Variants in NDUFB9 observed in about 807,000 individuals in gnomAD.
NDUFB9 encodes NADH dehydrogenase [ubiquinone] 1 beta subcomplex subunit 9.
A neutral mutation model predicts 30.2 loss-of-function variants in NDUFB9; 24 were observed. The ratio of observed to expected loss-of-function variants is 0.80; its 90% confidence interval spans 0.58 to 1.12. The LOEUF is 1.12. NDUFB9 is among the 50% of genes most tolerant of loss of function. The probability of loss-of-function intolerance (pLI) is 0.00; values close to 1 mark genes in which losing one functional copy is unlikely to be tolerated. For synonymous variants in NDUFB9, 80 were observed against 84.0 expected, an observed-to-expected ratio of 0.95 and a Z score of 0.26; for missense variants, 204 against 226.0, an observed-to-expected ratio of 0.90 and a Z score of 0.62.
chr8:124,544,107 T>C (rs1024688058), intron 2 of NDUFB9, among the ~76,000 whole-genome samples: 2 of 152,222 alleles, frequency 1.3e-5, no homozygotes, highest in Admixed American at 6.5e-5. Context: ...ATTGCTGATA[T>C]GGAGAAAGTT....
intron 1 of NDUFB9, among the ~76,000 whole-genome samples, chr8:124,541,603 T>G (rs1035279597): frequency 6.6e-6 from 1 of 152,204 alleles, no homozygotes; most frequent in South Asian, 2.1e-4. Flanking sequence ...AGAAGACTTT[T>G]TTTGTTTGTT....
In NDUFB9 at chr8:124,541,948, C is replaced by T. The variant is rs1302705354; in HGVS notation, c.102-1139C>T. Among the ~76,000 whole-genome samples, 3 of 143,442 alleles carry T rather than the reference C, an allele frequency of 2.1e-5. No individual in the cohort carries two copies. In the Admixed American group the frequency reaches 2.1e-4, roughly 10 times the overall value. 94.1% of individuals were successfully genotyped at this position (143,442 alleles called of 152,430 possible). A position where few individuals can be genotyped will look rare whatever the true frequency, so the allele number is the denominator to read the frequency against. On this transcript the variant is annotated intron_variant, in intron 1 of 3. Transcript: ENST00000276689. ...TTTTTTTTTGAGATGAAGTCTCGCT[C>T]TTGTCCCCCAGGCTGGAGTGCAAAT...
Position 124,547,113 on chromosome 8 carries a change from G to A in NDUFB9, c.408G>A (p.Glu136=). The change falls in exon 3 of 4, where the codon GAG becomes GAA. Residue 136 remains glutamate, a splice_region_variant and synonymous_variant. Transcript: ENST00000276689. ...TGCGGAGGGAAAGCTGGGAACGAGA[G>A]GTGCGTTCTACTTGTACTTCGTTAT... ...KKLRRESWER[E]VKQLQEETPP... is the part of the protein sequence containing the mutation. 1 of 1,608,040 alleles carries A rather than the reference G, an allele frequency of 6.2e-7. No homozygotes were observed. Among genetic ancestry groups the A allele is most frequent in the Non-Finnish European group, 8.5e-7 (1 of 1,174,682 alleles).
At chr8:124,540,547 G>A (rs1293836463) in intron 1 of NDUFB9, among the ~76,000 whole-genome samples, 1 of 151,920 alleles carries the variant, frequency 6.6e-6, no homozygotes, top group Non-Finnish European at 1.5e-5. Flanking sequence ...CCCATAAATA[G>A]GTACAATAAT....
chr8:124,543,589 C>CT lies in NDUFB9; in HGVS notation c.294+318dup, dbSNP rs1473652946. ...TTGGCAATTCTTGCAATATTTCAAA[C>CT]TTTTTTTTATTATTACTCTATCTAC... On this transcript the variant is annotated intron_variant, in intron 2 of 3. Coordinates refer to ENST00000276689, the MANE Select transcript of NDUFB9 (RefSeq NM_005005.3). Among the ~76,000 whole-genome samples, 29 of 151,586 alleles carry CT rather than the reference C, an allele frequency of 1.9e-4. No individual in the cohort carries two copies. The East Asian group carries it at 5.1e-3, about 26-fold the overall frequency.
chr8:124,546,032 G>A (rs1822149977), intron 2 of NDUFB9, among the ~76,000 whole-genome samples: 1 of 152,168 alleles, frequency 6.6e-6, no homozygotes, highest in African/African-American at 2.4e-5. Context: ...AGTAGAGACA[G>A]CGTTTCTCCA....
chr8:124,539,150 C>G lies in NDUFB9; in HGVS notation c.-37C>G, dbSNP rs552160860. On this transcript the variant is annotated 5_prime_UTR_variant, in exon 1 of 4. Coordinates refer to ENST00000276689, the MANE Select transcript of NDUFB9 (RefSeq NM_005005.3). ...TCACCCGCAGCAGGCGTGCAGTTTC[C>G]CGGCTCTCCGCGCGGCCGGGGAAGG... is the stretch of plus-strand genomic sequence containing the variant. 3.1e-6 allele frequency: 5 copies of G among 1,613,664 alleles called. No homozygotes were observed. In the African/African-American group the frequency reaches 5.3e-5, roughly 17 times the overall value.
rs770697169 is a variant in NDUFB9, at chr8:124,543,121, G to A, written c.136G>A (p.Ala46Thr). 3.1e-6 allele frequency: 5 copies of A among 1,614,066 alleles called. No individual in the cohort carries two copies. The highest frequency in any genetic ancestry group is 3.4e-6 in the Non-Finnish European group (4 of 1,180,038). The change falls in exon 2 of 4, where the codon GCC becomes ACC. Residue 46 changes from alanine (A) to threonine (T), a missense_variant. By Grantham distance (58) the Ala-to-Thr change is moderately conservative (BLOSUM62 0). Coordinates refer to ENST00000276689, the MANE Select transcript of NDUFB9 (RefSeq NM_005005.3). ...KYRYFACLMR[A>T]RFEEHKNEKD... is the part of the protein sequence containing the mutation. ...CCGATACTTTGCTTGTTTGATGAGA[G>A]CCCGGTTTGAAGAACATAAGAATGA...
chr8:124,546,007 TA>T (rs1403840265), intron 2 of NDUFB9, among the ~76,000 whole-genome samples: 2 of 152,136 alleles, frequency 1.3e-5, no homozygotes, highest in Non-Finnish European at 2.9e-5. Context: ...TATGCCTGGC[TA>T]GTTTTGTATT....
intron 3 of NDUFB9, among the ~76,000 whole-genome samples, chr8:124,547,604 G>A (rs965831534): frequency 3.9e-4 from 60 of 152,268 alleles, no homozygotes; most frequent in African/African-American, 1.2e-3. Context: ...GATATGGAAG[G>A]AAATTGACTC....
At chr8:124,547,518 C>A in intron 3 of NDUFB9, 1 of 488,556 alleles carries the variant, frequency 2.0e-6, no homozygotes. Flanking sequence ...AGAGGAGAAG[C>A]AGAGAGACCC....
At chr8:124,542,908 G>T in intron 1 of NDUFB9, 179 bp from the exon 2 acceptor site, 12 of 604,054 alleles carry the variant, frequency 2.0e-5, no homozygotes, top group Middle Eastern at 4.5e-4. Context: ...TTTTTTTGCT[G>T]CTGCTGTTTG....
In NDUFB9 at chr8:124,539,173, A is replaced by C; in HGVS notation, c.-14A>C. On this transcript the variant is annotated 5_prime_UTR_variant, in exon 1 of 4. Coordinates refer to ENST00000276689, the MANE Select transcript of NDUFB9 (RefSeq NM_005005.3). Reference sequence around the variant, plus strand: ...TCCCGGCTCTCCGCGCGGCCGGGGAAGGTCAGCGCCGTAATGGCGTTCTTG... The same window carrying C: ...TCCCGGCTCTCCGCGCGGCCGGGGACGGTCAGCGCCGTAATGGCGTTCTTG... 3 of 1,613,900 alleles carry C rather than the reference A, an allele frequency of 1.9e-6. No homozygotes were observed. The South Asian group carries it at 3.3e-5, about 18-fold the overall frequency.
chr8:124,539,433 G>C (rs980649926), intron 1 of NDUFB9, 146 bp downstream of exon 1: 30 of 736,718 alleles, frequency 4.1e-5, no homozygotes, highest in Non-Finnish European at 6.8e-5. Context: ...TGGTAGACCC[G>C]GGTTCAAATC....
intron 3 of NDUFB9, among the ~76,000 whole-genome samples, chr8:124,547,620 A>G (rs1419664288): frequency 6.6e-6 from 1 of 152,154 alleles, no homozygotes; most frequent in Non-Finnish European, 1.5e-5. Context: ...GACTCAGGAC[A>G]TCATTTGGAG....
intron 2 of NDUFB9, among the ~76,000 whole-genome samples, chr8:124,545,150 G>A (rs1822123514): frequency 1.3e-5 from 2 of 152,346 alleles, no homozygotes; most frequent in South Asian, 2.1e-4. Context: ...GAATACGAAA[G>A]TGGTTTCTTG....
chr8:124,540,665 A>G (rs1452307109), intron 1 of NDUFB9, among the ~76,000 whole-genome samples: 1 of 152,228 alleles, frequency 6.6e-6, no homozygotes, highest in Admixed American at 6.5e-5. Context: ...TAAACTAGCT[A>G]CTATGACAGT....
chr8:124,539,465 G>C, intron 1 of NDUFB9, 178 bp downstream of exon 1: 1 of 628,658 alleles, frequency 1.6e-6, no homozygotes, highest in Non-Finnish European at 2.8e-6. Flanking sequence ...ACTTATGGCC[G>C]GGAGACCTTG....
intron 2 of NDUFB9, 62 bp from the exon 3 acceptor site, chr8:124,546,938 G>A: frequency 3.6e-6 from 4 of 1,106,086 alleles, no homozygotes; most frequent in East Asian, 4.7e-5. Context: ...TCCTGAGCAG[G>A]CCCTGTCAGG....
Sources: gnomAD v4.1 joint callset for allele counts (sites outside exome capture counted in the v4.1 genomes callset) on GRCh38, gnomAD v4.1.1 for gene constraint, MANE v1.5 for transcripts, NCBI Gene and HGNC (gene_info 2026-07-23, HGNC 2026-07-21) for gene names.